The following ZNF891 variants were observed in gnomAD, a reference collection of about 807,000 sequenced individuals.
ZNF891 encodes the protein zinc finger protein 891.
For missense variants in ZNF891, 589 were observed against 632.7 expected, an observed-to-expected ratio of 0.93 and a Z score of 0.74; for synonymous variants, 199 against 209.0, an observed-to-expected ratio of 0.95 and a Z score of 0.41.
Position 133,107,204 on chromosome 12 carries a change from T to C in ZNF891, c.*13080A>G, listed in dbSNP as rs1192365117. 2.0e-5 allele frequency: 3 copies of C among 152,444 alleles called. No homozygotes were observed. The highest frequency in any genetic ancestry group is 2.0e-4 in the Admixed American group (3 of 15,302). The allele number at this position is 152,444 out of a possible 1,614,324, so 9.4% of individuals were successfully genotyped here. On this transcript the variant is annotated 3_prime_UTR_variant, in exon 2 of 2. Transcript: ENST00000537226. The stretch of plus-strand genomic sequence containing the variant: ...GTAGGAGAAAAAGCAACTGTATAAA[T>C]GAATGTAGAGTGACTTTCTGCAATA...
intron 1 of ZNF891, among the ~76,000 whole-genome samples, chr12:133,128,590 T>G (rs1955840742): frequency 6.6e-6 from 1 of 152,148 alleles, no homozygotes; most frequent in Non-Finnish European, 1.5e-5. Flanking sequence ...GCAGAGATCC[T>G]GCCATTGCAT....
chr12:133,113,070 A>G lies in ZNF891; in HGVS notation c.*7214T>C, dbSNP rs534452914. ...CAAGACTCTGTCTCAAAAAATATAT[A>G]TATATATATTTATATTTATTTATTA... On this transcript the variant is annotated 3_prime_UTR_variant, in exon 2 of 2. Coordinates refer to ENST00000537226, the MANE Select transcript of ZNF891 (RefSeq NM_001277291.2). The G allele has an allele frequency of 6.8e-6, 1 of 148,002 alleles. No homozygotes were observed. The highest frequency in any genetic ancestry group is 2.1e-4 in the South Asian group (1 of 4,798). 9.2% of individuals were successfully genotyped at this position (148,002 alleles called of 1,614,324 possible).
chr12:133,128,033 C>T (rs11147245), intron 1 of ZNF891, among the ~76,000 whole-genome samples: 10,248 of 152,176 alleles, frequency 0.067, 552 homozygotes, highest in African/African-American at 0.15. Flanking sequence ...GGGAGAACTA[C>T]ATTATAATAT....
chr12:133,118,194 CCT>C lies in ZNF891; in HGVS notation c.*2088_*2089del, dbSNP rs1461655046. On this transcript the variant is annotated 3_prime_UTR_variant, in exon 2 of 2. Transcript: ENST00000537226. ...TGACCTTGTGATCCGCCTGCCTCAGCCTCTCAAAGTGCCAGGATTACAGGCGT... is the reference window on the plus strand; with the variant it reads ...TGACCTTGTGATCCGCCTGCCTCAGCCTCAAAGTGCCAGGATTACAGGCGT... 1 of 152,152 alleles carries C rather than the reference CCT, an allele frequency of 6.6e-6. No individual in the cohort carries two copies. Among genetic ancestry groups the C allele is most frequent in the East Asian group, 1.9e-4 (1 of 5,172 alleles). The allele number at this position is 152,152 out of a possible 1,614,324, so 9.4% of individuals were successfully genotyped here.
In ZNF891 at chr12:133,129,704, C is replaced by T. The variant is rs181116414; in HGVS notation, c.-107+523G>A. Among the ~76,000 whole-genome samples the T allele has an allele frequency of 1.5e-3, 231 of 152,002 alleles. 2 individuals are homozygous for T. Among genetic ancestry groups the T allele is most frequent in the African/African-American group, 5.5e-3 (226 of 41,446 alleles). On this transcript the variant is annotated intron_variant, in intron 1 of 1. Transcript: ENST00000537226. ...TAGTATAACGGGCAAGGATAGTACA[C>T]AAAAAGATTAAAACACAATCTTGTG...
chr12:133,129,772 A>T (rs544895100), intron 1 of ZNF891, among the ~76,000 whole-genome samples: 2 of 152,218 alleles, frequency 1.3e-5, no homozygotes, highest in African/African-American at 4.8e-5. Context: ...TGAATACACC[A>T]GAGTATTAAA....
In ZNF891 at chr12:133,109,222, CAT is replaced by C. The variant is rs1955662575; in HGVS notation, c.*11060_*11061del. The stretch of plus-strand genomic sequence containing the variant: ...AATACATTGGTGAGGAGTTTACCAC[CAT>C]CCTTGGACAACTCTGTGGTACCCAC... On this transcript the variant is annotated 3_prime_UTR_variant, in exon 2 of 2. Coordinates refer to ENST00000537226, the MANE Select transcript of ZNF891 (RefSeq NM_001277291.2). The C allele has an allele frequency of 6.6e-6, 1 of 152,164 alleles. No individual in the cohort carries two copies. 9.4% of individuals were successfully genotyped at this position (152,164 alleles called of 1,614,324 possible).
chr12:133,109,767 G>C lies in ZNF891; in HGVS notation c.*10517C>G, dbSNP rs759766643. On this transcript the variant is annotated 3_prime_UTR_variant, in exon 2 of 2. Coordinates refer to ENST00000537226, the MANE Select transcript of ZNF891 (RefSeq NM_001277291.2). ...GGAAATGCAGAAATAAATAACACTG[G>C]AGGGGTAAATATGTTGATAAATACA... The C allele has an allele frequency of 6.6e-6, 1 of 152,188 alleles. No homozygotes were observed. Among genetic ancestry groups the C allele is most frequent in the Non-Finnish European group, 1.5e-5 (1 of 68,032 alleles). 9.4% of individuals were successfully genotyped at this position (152,188 alleles called of 1,614,324 possible).
Position 133,121,133 on chromosome 12 carries a change from T to G in ZNF891, c.786A>C (p.Thr262=). The G allele has an allele frequency of 6.5e-7, 1 of 1,535,320 alleles. No homozygotes were observed. Among genetic ancestry groups the G allele is most frequent in the Non-Finnish European group, 8.7e-7 (1 of 1,146,656 alleles). ...TTLWHFQRNQ[T]VQKEYTYSKH... is the part of the protein sequence containing the mutation. ...TAGAATATGTGTACTCTTTTTGTAC[T>G]GTTTGATTTCTCTGAAAATGCCATA... Residue 262 remains threonine, a synonymous_variant, in exon 2 of 2, where the codon ACA becomes ACC. Coordinates refer to ENST00000537226, the MANE Select transcript of ZNF891 (RefSeq NM_001277291.2).
rs1297382938 is a variant in ZNF891, at chr12:133,120,356, A to C, written c.1563T>G (p.Cys521Trp). ...AAGAGCTCTGACTGAAGGCTTTTCCACATTGAATACATTCATAGGGTTTCT... is the reference window on the plus strand; with the variant it reads ...AAGAGCTCTGACTGAAGGCTTTTCCCCATTGAATACATTCATAGGGTTTCT... ...TGEKPYECIQ[C>W]GKAFSQSSSL... is the part of the protein sequence containing the mutation. The change falls in exon 2 of 2, where the codon TGT (cysteine) becomes TGG (tryptophan). Residue 521 changes from cysteine (C) to tryptophan (W), a missense_variant. Cys to Trp is a radical substitution (Grantham distance 215). Transcript: ENST00000537226. The C allele has an allele frequency of 1.9e-6, 3 of 1,584,084 alleles. No homozygotes were observed. In the Admixed American group the frequency reaches 5.4e-5, roughly 29 times the overall value.
chr12:133,108,463 G>A lies in ZNF891; in HGVS notation c.*11821C>T, dbSNP rs528831981. ...CACTTTCCTTCCTACTGTTTACTCTGTGGGGATGCACCTCATGAACTATAT... is the reference window on the plus strand; with the variant it reads ...CACTTTCCTTCCTACTGTTTACTCTATGGGGATGCACCTCATGAACTATAT... On this transcript the variant is annotated 3_prime_UTR_variant, in exon 2 of 2. Transcript: ENST00000537226. 1.6e-4 allele frequency: 24 copies of A among 152,116 alleles called. No individual in the cohort carries two copies. The highest frequency in any genetic ancestry group is 5.8e-4 in the African/African-American group (24 of 41,484). 9.4% of individuals were successfully genotyped at this position (152,116 alleles called of 1,614,324 possible).
rs1955559012 is a variant in ZNF891, at chr12:133,105,491, T to G, written c.*14793A>C. The G allele has an allele frequency of 6.4e-7, 1 of 1,558,396 alleles. No individual in the cohort carries two copies. The highest frequency in any genetic ancestry group is 1.4e-5 in the African/African-American group (1 of 72,504). On this transcript the variant is annotated 3_prime_UTR_variant, in exon 2 of 2. Coordinates refer to ENST00000537226, the MANE Select transcript of ZNF891 (RefSeq NM_001277291.2). The stretch of plus-strand genomic sequence containing the variant: ...ATACAGGAAAAAGAAACATTCACTT[T>G]TTTTTTGGTATCTTTCAGTTTCAGA...
chr12:133,112,292 T>G lies in ZNF891; in HGVS notation c.*7992A>C, dbSNP rs1350652965. 1 of 152,148 alleles carries G rather than the reference T, an allele frequency of 6.6e-6. No individual in the cohort carries two copies. 9.4% of individuals were successfully genotyped at this position (152,148 alleles called of 1,614,324 possible). On this transcript the variant is annotated 3_prime_UTR_variant, in exon 2 of 2. Transcript: ENST00000537226. The stretch of plus-strand genomic sequence containing the variant: ...TCCCTACTCCTTCTTTAACTTCGTA[T>G]TTCAAGTTAAATGTTATTTTCTCAT...
chr12:133,126,173 C>CA (rs1955812839), intron 1 of ZNF891, among the ~76,000 whole-genome samples: 1 of 151,646 alleles, frequency 6.6e-6, no homozygotes, highest in East Asian at 1.9e-4. Flanking sequence ...AAAAACTCCC[C>CA]AAAAAGGTAC....
rs1955653383 is a variant in ZNF891, at chr12:133,108,268, C to T, written c.*12016G>A. 1 of 149,894 alleles carries T rather than the reference C, an allele frequency of 6.7e-6. No individual in the cohort carries two copies. Among genetic ancestry groups the T allele is most frequent in the Admixed American group, 6.6e-5 (1 of 15,130 alleles). The allele number at this position is 149,894 out of a possible 1,614,324, so 9.3% of individuals were successfully genotyped here. On this transcript the variant is annotated 3_prime_UTR_variant, in exon 2 of 2. Coordinates refer to ENST00000537226, the MANE Select transcript of ZNF891 (RefSeq NM_001277291.2). The stretch of plus-strand genomic sequence containing the variant: ...TATCTGATTTGGTGTCCTCAAGCAG[C>T]ATGCCTTATTACATATGGGTATCTA...
chr12:133,121,676 G>A lies in ZNF891; in HGVS notation c.243C>T (p.Ser81=), dbSNP rs780808374. Residue 81 remains serine, a synonymous_variant, in exon 2 of 2, where the codon TCC becomes TCT. Coordinates refer to ENST00000537226, the MANE Select transcript of ZNF891 (RefSeq NM_001277291.2). ...VMLENYRNLT[S]VEYQLYRLTV... ...TAAGCCTGTACAACTGATATTCCAC[G>A]GAGGTGAGATTTCTATAGTTTTCCA... The A allele has an allele frequency of 2.1e-5, 33 of 1,536,236 alleles. No individual in the cohort carries two copies. The highest frequency in any genetic ancestry group is 1.7e-4 in the East Asian group (7 of 40,918).
rs1276883183 is a variant in ZNF891 at position 133,108,567 on chromosome 12, G to C, written c.*11717C>G. The C allele has an allele frequency of 6.6e-6, 1 of 152,048 alleles. No homozygotes were observed. The highest frequency in any genetic ancestry group is 1.5e-5 in the Non-Finnish European group (1 of 68,010). The allele number at this position is 152,048 out of a possible 1,614,324, so 9.4% of individuals were successfully genotyped here. A position where few individuals can be genotyped will look rare whatever the true frequency, so the allele number is the denominator to read the frequency against. On this transcript the variant is annotated 3_prime_UTR_variant, in exon 2 of 2. Coordinates refer to ENST00000537226, the MANE Select transcript of ZNF891 (RefSeq NM_001277291.2). ...GGCTCCTTACCTCTATAACTGAAGA[G>C]TTTAATATACAGCCATAAAGGTTAA...
rs1419885664 is a variant in ZNF891, at chr12:133,105,889, T to C, written c.*14395A>G. 2 of 1,614,190 alleles carry C rather than the reference T, an allele frequency of 1.2e-6. No homozygotes were observed. The highest frequency in any genetic ancestry group is 1.7e-6 in the Non-Finnish European group (2 of 1,180,026). On this transcript the variant is annotated 3_prime_UTR_variant, in exon 2 of 2. Coordinates refer to ENST00000537226, the MANE Select transcript of ZNF891 (RefSeq NM_001277291.2). The stretch of plus-strand genomic sequence containing the variant: ...AAACCTTTAGCCAGATTTCAAACCT[T>C]GTGAAACACCAAATGATACATACTG...
rs1016370793 is a variant in ZNF891 at position 133,115,369 on chromosome 12, G to A, written c.*4915C>T. On this transcript the variant is annotated 3_prime_UTR_variant, in exon 2 of 2. Transcript: ENST00000537226. ...GAACGTGCCACTGCACTCCAGCCTGGGAAAAAGCAAAACTCCTTCTCAAAA... is the reference window on the plus strand; with the variant it reads ...GAACGTGCCACTGCACTCCAGCCTGAGAAAAAGCAAAACTCCTTCTCAAAA... 1.5e-5 allele frequency: 1 copy of A among 65,972 alleles called. No homozygotes were observed. The highest frequency in any genetic ancestry group is 3.5e-5 in the Non-Finnish European group (1 of 28,750). 4.1% of individuals were successfully genotyped at this position (65,972 alleles called of 1,614,324 possible). A position where few individuals can be genotyped will look rare whatever the true frequency, so the allele number is the denominator to read the frequency against.
Sources: gnomAD v4.1 joint callset for allele counts (sites outside exome capture counted in the v4.1 genomes callset) on GRCh38, gnomAD v4.1.1 for gene constraint, MANE v1.5 for transcripts, NCBI Gene and HGNC (gene_info 2026-07-23, HGNC 2026-07-21) for gene names.